PIGY: variants seen among roughly 807,000 people sequenced by gnomAD.
PIGY encodes the protein phosphatidylinositol glycan anchor biosynthesis class Y.
Under a neutral mutation model 4.1 loss-of-function variants are expected in PIGY, and 3 were observed. That is an observed-to-expected ratio of 0.73 (90% CI 0.33 to 1.89). PIGY has a LOEUF of 1.89. Among genes scored for constraint, PIGY ranks in the 40% most tolerant of loss-of-function variants. The pLI is 0.08. For missense variants in PIGY, 78 were observed against 80.3 expected (o/e 0.97, Z 0.11); for synonymous variants, 33 against 31.4 (o/e 1.05, Z -0.18).
At chr4:88,523,443 C>CT in intron 1 of PIGY, 55 bp downstream of exon 1, 1 of 1,536,246 alleles carries the variant, frequency 6.5e-7, no homozygotes, top group Non-Finnish European at 8.8e-7. Flanking sequence ...CGGTCCACCG[C>CT]TCCCTTTCCG....
intron 1 of PIGY, 100 bp from the exon 2 acceptor site, chr4:88,522,129 C>A (rs746998187): frequency 9.1e-7 from 1 of 1,098,586 alleles, no homozygotes; most frequent in Non-Finnish European, 1.3e-6. Flanking sequence ...ATTTTTGGTA[C>A]GGAGTTAATC....
At chr4:88,522,490 C>G (rs1034771683) in intron 1 of PIGY, among the ~76,000 whole-genome samples, 3 of 152,118 alleles carry the variant, frequency 2.0e-5, no homozygotes, top group Non-Finnish European at 1.5e-5. Flanking sequence ...GGTGAGAGGG[C>G]AGAAATGAAG....
At chr4:88,523,073 C>T (rs1299899853) in intron 1 of PIGY, among the ~76,000 whole-genome samples, 1 of 151,344 alleles carries the variant, frequency 6.6e-6, no homozygotes, top group African/African-American at 2.4e-5. Flanking sequence ...CTAGGCCAGT[C>T]TGGGCAACGT....
rs775025773 is a variant in PIGY, at chr4:88,521,304, C to T, written c.*270G>A. On this transcript the variant is annotated 3_prime_UTR_variant, in exon 2 of 2. Coordinates refer to ENST00000527353, the MANE Select transcript of PIGY (RefSeq NM_001042616.3). ...TGAATGGAATAAGAAATAGTCATCACATGTCAATTAGGGATGTTCATCTCC... is the reference window on the plus strand; with the variant it reads ...TGAATGGAATAAGAAATAGTCATCATATGTCAATTAGGGATGTTCATCTCC... 2.5e-6 allele frequency: 1 copy of T among 402,606 alleles called. No homozygotes were observed. The highest frequency in any genetic ancestry group is 3.9e-5 in the South Asian group (1 of 25,570). The allele number at this position is 402,606 out of a possible 1,614,324, so 24.9% of individuals were successfully genotyped here. A position where few individuals can be genotyped will look rare whatever the true frequency, so the allele number is the denominator to read the frequency against.
chr4:88,521,760 AAC>A lies in PIGY; in HGVS notation c.28_29del (p.Val10SerfsTer26). On this transcript the variant is annotated frameshift_variant, in exon 2 of 2. Coordinates refer to ENST00000527353, the MANE Select transcript of PIGY (RefSeq NM_001042616.3). LOFTEE classifies it high-confidence loss of function. MFLSLPTLT[V>X]LIPLVSLAGL... Reference sequence around the variant, plus strand: ...CTGCTAAAGAAACCAGTGGAATAAGAACAGTCAACGTAGGAAGAGACAGAAAC... The same window carrying A: ...CTGCTAAAGAAACCAGTGGAATAAGAAGTCAACGTAGGAAGAGACAGAAAC... The A allele has an allele frequency of 6.2e-7, 1 of 1,613,442 alleles. No individual in the cohort carries two copies. Among genetic ancestry groups the A allele is most frequent in the Non-Finnish European group, 8.5e-7 (1 of 1,179,690 alleles).
chr4:88,522,085 A>T (rs2149117710), intron 1 of PIGY, 56 bp from the exon 2 acceptor site: 1 of 1,466,864 alleles, frequency 6.8e-7, no homozygotes, highest in Non-Finnish European at 9.1e-7. Flanking sequence ...ATGCTTGAAG[A>T]GCCTGATTTT....
intron 1 of PIGY, 102 bp downstream of exon 1, chr4:88,523,396 G>C: frequency 8.1e-7 from 1 of 1,231,102 alleles, no homozygotes; most frequent in Non-Finnish European, 1.2e-6. Flanking sequence ...GAGAGTACCT[G>C]ACCGACCTAC....
At chr4:88,522,181 T>C (rs1264724185) in intron 1 of PIGY, among the ~76,000 whole-genome samples, 152 bp from the exon 2 acceptor site, 1 of 152,222 alleles carries the variant, frequency 6.6e-6, no homozygotes, top group African/African-American at 2.4e-5. Flanking sequence ...CAATAGCCAA[T>C]TCAACCTTTT....
At position 88,523,722 on chromosome 4, in the gene PIGY, G is replaced by A. The variant is rs1316181843; in HGVS notation, c.-465C>T. On this transcript the variant is annotated 5_prime_UTR_variant, in exon 1 of 2. Coordinates refer to ENST00000527353, the MANE Select transcript of PIGY (RefSeq NM_001042616.3). ...GCATGGTCTGGCAGCCGGAGACCAG[G>A]CCTCACCGCAGCCTCGCCACCCGTG... The A allele has an allele frequency of 7.0e-6, 10 of 1,427,580 alleles. No homozygotes were observed. Among genetic ancestry groups the A allele is most frequent in the Non-Finnish European group, 9.1e-6 (10 of 1,098,534 alleles). The allele number at this position is 1,427,580 out of a possible 1,614,324, so 88.4% of individuals were successfully genotyped here. A position where few individuals can be genotyped will look rare whatever the true frequency, so the allele number is the denominator to read the frequency against.
Position 88,521,938 on chromosome 4 carries a change from C to A in PIGY, c.-149G>T. ...TTCTTACTTTGACGTGTCATCCTAG[C>A]TGCCTGTGGTATCATATTAGGGATC... is the stretch of plus-strand genomic sequence containing the variant. On this transcript the variant is annotated 5_prime_UTR_variant, in exon 2 of 2. Transcript: ENST00000527353. 1.9e-6 allele frequency: 3 copies of A among 1,551,546 alleles called. No homozygotes were observed. The highest frequency in any genetic ancestry group is 2.6e-6 in the Non-Finnish European group (3 of 1,146,956).
chr4:88,521,917 T>C lies in PIGY; in HGVS notation c.-128A>G. 2 of 1,550,970 alleles carry C rather than the reference T, an allele frequency of 1.3e-6. No homozygotes were observed. The highest frequency in any genetic ancestry group is 1.7e-6 in the Non-Finnish European group (2 of 1,146,822). On this transcript the variant is annotated 5_prime_UTR_variant, in exon 2 of 2. Coordinates refer to ENST00000527353, the MANE Select transcript of PIGY (RefSeq NM_001042616.3). ...CGCTGCTCCACTTCTTCTTGCTTCT[T>C]ACTTTGACGTGTCATCCTAGCTGCC... is the stretch of plus-strand genomic sequence containing the variant.
chr4:88,522,854 G>T (rs1742418948), intron 1 of PIGY, among the ~76,000 whole-genome samples: 1 of 152,228 alleles, frequency 6.6e-6, no homozygotes, highest in African/African-American at 2.4e-5. Flanking sequence ...AGTTGTACAA[G>T]ACACTTTCAC....
intron 1 of PIGY, among the ~76,000 whole-genome samples, chr4:88,523,296 G>C (rs897793146): frequency 2.0e-5 from 3 of 152,218 alleles, no homozygotes; most frequent in African/African-American, 7.2e-5. Context: ...TGCGTTCTGG[G>C]AGATGTGGGA....
rs751995139 is a variant in PIGY at position 88,521,501 on chromosome 4, A to G, written c.*73T>C. 129 of 1,354,062 alleles carry G rather than the reference A, an allele frequency of 9.5e-5. No individual in the cohort carries two copies. Among genetic ancestry groups the G allele is most frequent in the Non-Finnish European group, 1.3e-4 (125 of 971,926 alleles). The allele number at this position is 1,354,062 out of a possible 1,614,324, so 83.9% of individuals were successfully genotyped here. A position where few individuals can be genotyped will look rare whatever the true frequency, so the allele number is the denominator to read the frequency against. On this transcript the variant is annotated 3_prime_UTR_variant, in exon 2 of 2. Transcript: ENST00000527353. Reference sequence around the variant, plus strand: ...GCCTCTTTCCCGCAAACTAAATTCCATCCATTTGAGCTTTCAGAGATCGAT... The same window carrying G: ...GCCTCTTTCCCGCAAACTAAATTCCGTCCATTTGAGCTTTCAGAGATCGAT...
At position 88,521,692 on chromosome 4, in the gene PIGY, C is replaced by T; in HGVS notation, c.98G>A (p.Gly33Asp). ...GCAAAGGCTGGCTGTGCTAGTGCAG[C>T]CCTGTGGGAAGTTTTCTTCCACAGA... ...SASVEENFPQ[G>D]CTSTASLCFY... The change falls in exon 2 of 2, where the codon GGC (glycine) becomes GAC (aspartate). Residue 33 changes from glycine (G) to aspartate (D), a missense_variant. Transcript: ENST00000527353. The T allele has an allele frequency of 6.2e-7, 1 of 1,613,926 alleles. No individual in the cohort carries two copies. The highest frequency in any genetic ancestry group is 2.2e-5 in the East Asian group (1 of 44,886).
Position 88,523,736 on chromosome 4 carries a change from T to G in PIGY, c.-479A>C. ...CCGGAGACCAGGCCTCACCGCAGCC[T>G]CGCCACCCGTGGCCGAGCTCCCGGC... On this transcript the variant is annotated 5_prime_UTR_variant, in exon 1 of 2. Transcript: ENST00000527353. The G allele has an allele frequency of 5.0e-6, 7 of 1,403,982 alleles. No homozygotes were observed. Among genetic ancestry groups the G allele is most frequent in the Non-Finnish European group, 5.5e-6 (6 of 1,086,284 alleles). 87.0% of individuals were successfully genotyped at this position (1,403,982 alleles called of 1,614,324 possible).
chr4:88,521,622 G>A lies in PIGY; in HGVS notation c.168C>T (p.Phe56=). ...LLPITIPVYV[F]FHLWTWMGIK... ...TACCCATCCAAGTCCAAAGGTGGAA[G>A]AATACATACACTGGTATGGTAATAG... Residue 56 remains phenylalanine (F), a synonymous_variant, in exon 2 of 2, where the codon TTC becomes TTT. Coordinates refer to ENST00000527353, the MANE Select transcript of PIGY (RefSeq NM_001042616.3). 1 of 1,613,974 alleles carries A rather than the reference G, an allele frequency of 6.2e-7. No homozygotes were observed.
rs995217751 is a variant in PIGY, at chr4:88,521,423, G to A, written c.*151C>T. The A allele has an allele frequency of 4.5e-5, 29 of 651,492 alleles. No individual in the cohort carries two copies. The Middle Eastern group carries it at 9.5e-4, about 21-fold the overall frequency. The allele number at this position is 651,492 out of a possible 1,614,324, so 40.4% of individuals were successfully genotyped here. ...GCAGAACAAGAGTACAATAAAAGAA[G>A]CATCTGCAACTTAAGCCTCCCACAG... On this transcript the variant is annotated 3_prime_UTR_variant, in exon 2 of 2. Transcript: ENST00000527353.
At position 88,523,441 on chromosome 4, in the gene PIGY, C is replaced by T. The variant is rs151127213; in HGVS notation, c.-241+57G>A. The stretch of plus-strand genomic sequence containing the variant: ...GTGGCTGCAAGAGGCCGCGGTCCAC[C>T]GCTCCCTTTCCGCCCACCGGGAGGC... On this transcript the variant is annotated intron_variant, in intron 1 of 1. Coordinates refer to ENST00000527353, the MANE Select transcript of PIGY (RefSeq NM_001042616.3). 6,515 of 1,533,714 alleles carry T rather than the reference C, an allele frequency of 4.2e-3. 229 individuals carry two copies. The South Asian group carries it at 0.062, about 15-fold the overall frequency.
Sources: allele counts gnomAD v4.1 joint callset (sites outside exome capture counted in the v4.1 genomes callset), GRCh38; gene constraint gnomAD v4.1.1; transcripts MANE v1.5; gene names NCBI Gene and HGNC (gene_info 2026-07-23, HGNC 2026-07-21).